The following SIPA1L1 variants were observed in gnomAD, a reference collection of about 807,000 sequenced individuals.
SIPA1L1 encodes signal-induced proliferation-associated 1-like protein 1.
A neutral mutation model predicts 162.7 loss-of-function variants in SIPA1L1; 26 were observed. The ratio of observed to expected loss-of-function variants is 0.16; its 90% CI spans 0.12 to 0.22. The LOEUF (loss-of-function observed/expected upper bound fraction) is 0.22, where lower values mean the gene tolerates loss of function less well. Ranked by LOEUF, SIPA1L1 falls within the 10% of genes least tolerant of loss-of-function variation. SIPA1L1 has a pLI of 1.00. For missense variants in SIPA1L1, 1,874 were observed against 2,241.0 expected (o/e 0.84, Z 3.31); for synonymous variants, 829 against 837.4 (o/e 0.99, Z 0.17).
At chr14:71,376,835 A>G (rs1413882430) in intron 2 of SIPA1L1, among the ~76,000 whole-genome samples, 1 of 152,140 alleles carries the variant, frequency 6.6e-6, no homozygotes, top group Non-Finnish European at 1.5e-5. Context: ...CATGTTTCAG[A>G]GAGCACGGGG....
At chr14:71,631,938 A>G (rs929122360) in intron 7 of SIPA1L1, among the ~76,000 whole-genome samples, 6 of 152,250 alleles carry the variant, frequency 3.9e-5, no homozygotes. Flanking sequence ...AATCAAAGCA[A>G]ATAATGTGAA....
At chr14:71,447,316 T>A (rs1244024633) in intron 2 of SIPA1L1, among the ~76,000 whole-genome samples, 2 of 152,162 alleles carry the variant, frequency 1.3e-5, no homozygotes, top group Non-Finnish European at 2.9e-5. Flanking sequence ...ATAGCCTAAA[T>A]AAGAGGCAGT....
chr14:71,373,388 C>T (rs545982988), intron 2 of SIPA1L1, among the ~76,000 whole-genome samples: 3 of 151,334 alleles, frequency 2.0e-5, no homozygotes, highest in South Asian at 2.1e-4. Flanking sequence ...TTTGGGAGGC[C>T]GAGGTGGGCG....
chr14:71,352,794 GATTAT>G (rs2036848668), intron 2 of SIPA1L1, among the ~76,000 whole-genome samples: 1 of 152,190 alleles, frequency 6.6e-6, no homozygotes, highest in Admixed American at 6.5e-5. Flanking sequence ...TTTCTAAAGT[GATTAT>G]ATTGATTTGT....
At chr14:71,505,188 CAATT>C (rs1198844282) in intron 2 of SIPA1L1, among the ~76,000 whole-genome samples, 3 of 152,158 alleles carry the variant, frequency 2.0e-5, no homozygotes, top group Non-Finnish European at 4.4e-5. Context: ...AGGTGATCAA[CAATT>C]TATTTCCCCG....
chr14:71,729,928 G>T, intron 19 of SIPA1L1, 127 bp from the exon 20 acceptor site: 1 of 1,008,690 alleles, frequency 9.9e-7, no homozygotes, highest in Non-Finnish European at 1.5e-6. Context: ...TAGACAATGA[G>T]CCCTGAAGCT....
intron 10 of SIPA1L1, among the ~76,000 whole-genome samples, chr14:71,664,283 T>G (rs2043802445): frequency 6.6e-6 from 1 of 152,168 alleles, no homozygotes. Context: ...TAGGCCTGTT[T>G]TATTAGGGGT....
chr14:71,633,150 A>ATGTTATGTTC (rs1412998162), intron 7 of SIPA1L1, among the ~76,000 whole-genome samples: 2 of 145,124 alleles, frequency 1.4e-5, no homozygotes, highest in Non-Finnish European at 3.0e-5. Context: ...ATGTTATGTT[A>ATGTTATGTTC]TGTTATGTTC....
intron 4 of SIPA1L1, chr14:71,576,519 T>C (rs1232504405): frequency 6.6e-6 from 1 of 152,226 alleles, no homozygotes; most frequent in Non-Finnish European, 1.5e-5. Flanking sequence ...ACTTGACACT[T>C]GCTATTTAAT....
chr14:71,365,907 T>TTTTG (rs71105773), intron 2 of SIPA1L1, among the ~76,000 whole-genome samples: 6 of 140,086 alleles, frequency 4.3e-5, no homozygotes, highest in Admixed American at 1.5e-4. Flanking sequence ...TTTTTTTTTT[T>TTTTG]AAGAGATGGG....
chr14:71,542,866 G>T (rs2054604497), intron 4 of SIPA1L1, among the ~76,000 whole-genome samples: 1 of 151,082 alleles, frequency 6.6e-6, no homozygotes, highest in Admixed American at 6.6e-5. Flanking sequence ...TTACAGGCAT[G>T]ATCCTCTGTG....
chr14:71,735,886 G>A (rs1326116519), intron 22 of SIPA1L1, among the ~76,000 whole-genome samples: 5 of 152,202 alleles, frequency 3.3e-5, no homozygotes, highest in Non-Finnish European at 2.9e-5. Context: ...AATAACTGAG[G>A]TCCTAAGGGC....
chr14:71,653,727 A>G (rs2042824107), intron 8 of SIPA1L1, among the ~76,000 whole-genome samples: 1 of 152,214 alleles, frequency 6.6e-6, no homozygotes, highest in African/African-American at 2.4e-5. Context: ...TGCTGTATCA[A>G]GCACTTCATT....
chr14:71,545,017 C>T (rs964499316), intron 4 of SIPA1L1, among the ~76,000 whole-genome samples: 2 of 152,086 alleles, frequency 1.3e-5, no homozygotes, highest in Admixed American at 6.5e-5. Context: ...TATACACCAC[C>T]ATGCCCAGTT....
At chr14:71,598,553 T>G (rs2036321093) in intron 5 of SIPA1L1, among the ~76,000 whole-genome samples, 1 of 152,064 alleles carries the variant, frequency 6.6e-6, no homozygotes, top group Non-Finnish European at 1.5e-5. Flanking sequence ...AGATAAATAC[T>G]CTTCAAAGCT....
chr14:71,345,993 C>T (rs562267818), intron 2 of SIPA1L1, among the ~76,000 whole-genome samples: 30 of 152,026 alleles, frequency 2.0e-4, no homozygotes, highest in African/African-American at 4.8e-4. Flanking sequence ...CTGCAGCCTC[C>T]GCTTCCCGGA....
chr14:71,511,631 C>T (rs2051160465), intron 2 of SIPA1L1, among the ~76,000 whole-genome samples: 1 of 152,140 alleles, frequency 6.6e-6, no homozygotes. Flanking sequence ...TCCTTGGTTC[C>T]TGACACAAGA....
chr14:71,557,655 A>G (rs1179401955), intron 4 of SIPA1L1, among the ~76,000 whole-genome samples: 1 of 152,306 alleles, frequency 6.6e-6, no homozygotes, highest in East Asian at 1.9e-4. Context: ...AACAAAGTAA[A>G]ATAAAATTAA....
At chr14:71,551,517 A>G (rs899835405) in intron 4 of SIPA1L1, among the ~76,000 whole-genome samples, 2 of 152,226 alleles carry the variant, frequency 1.3e-5, no homozygotes. Context: ...CTAATCCATC[A>G]GTATGCCTAG....
Sources: gnomAD v4.1 joint callset for allele counts (sites outside exome capture counted in the v4.1 genomes callset) on GRCh38, gnomAD v4.1.1 for gene constraint, MANE v1.5 for transcripts, NCBI Gene and HGNC (gene_info 2026-07-23, HGNC 2026-07-21) for gene names.